LRRTM4: variants seen among roughly 807,000 people sequenced by gnomAD.
LRRTM4 encodes the protein leucine-rich repeat transmembrane neuronal protein 4.
Under a neutral mutation model 47.6 loss-of-function variants are expected in LRRTM4, and 25 were observed. The observed-to-expected ratio is 0.53, with a 90% CI of 0.38 to 0.73. The LOEUF is 0.73. LRRTM4 is among the 30% of genes least tolerant of loss of function. The pLI is 0.00. For missense variants in LRRTM4, 638 were observed against 713.4 expected, an observed-to-expected ratio of 0.89 and a Z score of 1.20; for synonymous variants, 311 against 269.5, an observed-to-expected ratio of 1.15 and a Z score of -1.51.
Position 77,519,991 on chromosome 2 carries a change from T to A in LRRTM4, c.5-127A>T. On this transcript the variant is annotated intron_variant, in intron 2 of 3. Transcript: ENST00000409884. The surrounding 1 kb of genome is among the most constrained non-coding windows in gnomAD (Gnocchi z 4.6). ...GACAGTTGATTTAAGGAAAATGCATTAACATTTCGAGCATTATTTTCTTCA... is the reference window on the plus strand; with the variant it reads ...GACAGTTGATTTAAGGAAAATGCATAAACATTTCGAGCATTATTTTCTTCA... The A allele has an allele frequency of 7.2e-7, 1 of 1,387,686 alleles. No homozygotes were observed. The highest frequency in any genetic ancestry group is 9.5e-7 in the Non-Finnish European group (1 of 1,055,698). 86.0% of individuals were successfully genotyped at this position (1,387,686 alleles called of 1,614,324 possible). A position where few individuals can be genotyped will look rare whatever the true frequency, so the allele number is the denominator to read the frequency against.
At position 77,211,312 on chromosome 2, in the gene LRRTM4, G is replaced by A. The variant is rs539566370; in HGVS notation, c.1551+307006C>T. 1.1e-3 allele frequency among the ~76,000 whole-genome samples: 162 copies of A among 152,262 alleles called. 1 individual carries two copies. Among genetic ancestry groups the A allele is most frequent in the African/African-American group, 3.7e-3 (154 of 41,564 alleles). ...CAAGTGCTGAAATGATGAAAGAGAA[G>A]CAGATACTGCTTAAAGCAGAGAGAG... On this transcript the variant is annotated intron_variant, in intron 3 of 3. Coordinates refer to ENST00000409884, the MANE Select transcript of LRRTM4 (RefSeq NM_001134745.3).
At chr2:77,145,654 G>T (rs1396088370) in intron 3 of LRRTM4, among the ~76,000 whole-genome samples, 2 of 151,454 alleles carry the variant, frequency 1.3e-5, no homozygotes, top group Admixed American at 6.6e-5. Flanking sequence ...GGCACCTGTA[G>T]TCCCAGCTAC....
At chr2:77,115,065 A>G (rs1671350655) in intron 3 of LRRTM4, among the ~76,000 whole-genome samples, 1 of 152,118 alleles carries the variant, frequency 6.6e-6, no homozygotes, top group African/African-American at 2.4e-5. Flanking sequence ...TCAACTGCAT[A>G]AGACAGACAC....
At chr2:77,000,477 A>G (rs1206731757) in intron 3 of LRRTM4, among the ~76,000 whole-genome samples, 2 of 152,320 alleles carry the variant, frequency 1.3e-5, no homozygotes, top group East Asian at 3.9e-4. Context: ...TGTATCTACA[A>G]CACGTAAGTA....
rs71381251 is a variant in LRRTM4, at chr2:77,014,503, C to CATATATATATATATATATATATAT, written c.1552-265588_1552-265587insATATATATATATATATATATATAT. 8.1e-4 allele frequency among the ~76,000 whole-genome samples: 113 copies of CATATATATATATATATATATATAT among 139,142 alleles called. 4 individuals carry two copies. Among genetic ancestry groups the CATATATATATATATATATATATAT allele is most frequent in the Non-Finnish European group, 1.4e-3 (83 of 61,428 alleles). 91.3% of individuals were successfully genotyped at this position (139,142 alleles called of 152,430 possible). A position where few individuals can be genotyped will look rare whatever the true frequency, so the allele number is the denominator to read the frequency against. On this transcript the variant is annotated intron_variant, in intron 3 of 3. Coordinates refer to ENST00000409884, the MANE Select transcript of LRRTM4 (RefSeq NM_001134745.3). ...TGCAGAAGAAGCATTTGTGCCCTTT[C>CATATATATATATATATATATATAT]ATATATATATATATAAAGATTTTAT...
intron 3 of LRRTM4, among the ~76,000 whole-genome samples, chr2:77,325,363 G>A (rs529053287): frequency 3.3e-5 from 5 of 152,254 alleles, no homozygotes; most frequent in East Asian, 1.9e-4. Flanking sequence ...TGGCCAAGAC[G>A]TGAGTTCAGT....
chr2:76,844,944 C>G (rs2103947653), intron 3 of LRRTM4, among the ~76,000 whole-genome samples: 2 of 152,172 alleles, frequency 1.3e-5, no homozygotes, highest in Middle Eastern at 6.8e-3. Flanking sequence ...GTCTGAAAAG[C>G]CTACTCATAG....
chr2:77,283,861 C>T (rs1359764355), intron 3 of LRRTM4, among the ~76,000 whole-genome samples: 1 of 152,044 alleles, frequency 6.6e-6, no homozygotes, highest in East Asian at 1.9e-4. Context: ...GAAAAACTAC[C>T]TATTGATCAT....
chr2:77,146,975 CTCA>C (rs1264335927), intron 3 of LRRTM4, among the ~76,000 whole-genome samples: 3 of 152,068 alleles, frequency 2.0e-5, no homozygotes, highest in Admixed American at 2.0e-4. Flanking sequence ...AATGAATGTA[CTCA>C]TCATTAACTG....
rs372883457 is a variant in LRRTM4, at chr2:77,396,687, G to T, written c.1551+121631C>A. On this transcript the variant is annotated intron_variant, in intron 3 of 3. Transcript: ENST00000409884. ...TTTCAACCACGTAGTAGACAGCAAAGAGGCTATTTATTGGTGGAACTAGGC... is the reference window on the plus strand; with the variant it reads ...TTTCAACCACGTAGTAGACAGCAAATAGGCTATTTATTGGTGGAACTAGGC... 3.3e-5 allele frequency among the ~76,000 whole-genome samples: 5 copies of T among 152,020 alleles called. No homozygotes were observed. In the South Asian group the frequency reaches 1.0e-3, roughly 32 times the overall value.
At chr2:77,414,646 G>A (rs951306307) in intron 3 of LRRTM4, among the ~76,000 whole-genome samples, 1 of 152,196 alleles carries the variant, frequency 6.6e-6, no homozygotes, top group African/African-American at 2.4e-5. Flanking sequence ...AGTGATGGAG[G>A]ATTGTTCTTA....
intron 3 of LRRTM4, among the ~76,000 whole-genome samples, chr2:77,005,668 A>T (rs1677615930): frequency 6.6e-6 from 1 of 152,128 alleles, no homozygotes; most frequent in African/African-American, 2.4e-5. Flanking sequence ...TTATAAAGGG[A>T]GTTCCCCTGC....
intron 3 of LRRTM4, among the ~76,000 whole-genome samples, chr2:76,996,601 G>A (rs907721461): frequency 7.2e-5 from 11 of 152,112 alleles, no homozygotes; most frequent in African/African-American, 1.9e-4. Context: ...TCTTAAGTGC[G>A]AACTTAATAC....
chr2:77,480,822 G>GTGTGGAGGGAGAGA (rs1222517611), intron 3 of LRRTM4, among the ~76,000 whole-genome samples: 5 of 74,498 alleles, frequency 6.7e-5, no homozygotes, highest in Non-Finnish European at 1.2e-4. Context: ...GTGTGTGTGT[G>GTGTGGAGGGAGAGA]GAGAGAGAGA....
intron 3 of LRRTM4, among the ~76,000 whole-genome samples, chr2:77,075,914 CAAAAAAAAAA>C (rs61718845): frequency 7.1e-4 from 26 of 36,856 alleles, no homozygotes; most frequent in East Asian, 3.4e-3. Context: ...GACTCCGTCT[CAAAAAAAAAA>C]AAAAAAAAAA....
intron 3 of LRRTM4, among the ~76,000 whole-genome samples, chr2:77,013,898 C>T (rs1253890687): frequency 6.6e-6 from 1 of 152,164 alleles, no homozygotes; most frequent in Non-Finnish European, 1.5e-5. Context: ...TTTCTCAGTG[C>T]TTCAGTTTCC....
intron 3 of LRRTM4, among the ~76,000 whole-genome samples, chr2:77,041,462 G>GT (rs1018617256): frequency 1.3e-5 from 2 of 151,428 alleles, no homozygotes; most frequent in African/African-American, 2.4e-5. Context: ...TCATACAGTA[G>GT]TTTTGAAATT....
At chr2:77,201,424 T>C (rs535860137) in intron 3 of LRRTM4, among the ~76,000 whole-genome samples, 12 of 152,296 alleles carry the variant, frequency 7.9e-5, no homozygotes, top group Non-Finnish European at 7.4e-5. Flanking sequence ...GTTCTGTTTC[T>C]GTTTCATATA....
chr2:76,998,710 A>G (rs1677296098), intron 3 of LRRTM4, among the ~76,000 whole-genome samples: 1 of 152,042 alleles, frequency 6.6e-6, no homozygotes, highest in Admixed American at 6.6e-5. Context: ...AATGTGACAA[A>G]AACAGTCACT....
Sources: allele counts gnomAD v4.1 joint callset (sites outside exome capture counted in the v4.1 genomes callset), GRCh38; gene constraint gnomAD v4.1.1; non-coding constraint Gnocchi (gnomAD v3.1); transcripts MANE v1.5; gene names NCBI Gene and HGNC (gene_info 2026-07-23, HGNC 2026-07-21).